Variants in CLASP1 observed in about 807,000 individuals in gnomAD.
CLASP1 encodes CLIP-associating protein 1.
A neutral mutation model predicts 192.3 loss-of-function variants in CLASP1; 38 were observed. The ratio of observed to expected loss-of-function variants is 0.20; its 90% CI spans 0.15 to 0.26. The LOEUF (loss-of-function observed/expected upper bound fraction) is 0.26, where lower values mean the gene tolerates loss of function less well. CLASP1 is among the 10% of genes least tolerant of loss of function. CLASP1 has a pLI of 1.00. For synonymous variants in CLASP1, 691 were observed against 712.8 expected, an observed-to-expected ratio of 0.97 and a Z score of 0.49; for missense variants, 1,433 against 1,932.5, an observed-to-expected ratio of 0.74 and a Z score of 4.85.
In CLASP1 at chr2:121,404,355, A is replaced by G. The variant is rs374759775; in HGVS notation, c.2733+16T>C. The G allele has an allele frequency of 3.7e-6, 6 of 1,610,242 alleles. No individual in the cohort carries two copies. The African/African-American group carries it at 5.3e-5, about 14-fold the overall frequency. ...ATGCAGGGGTAAAGACAGGGCAGGC[A>G]TGACTTCAGACTTACCTTGCTATGA... On this transcript the variant is annotated intron_variant, in intron 26 of 39. Coordinates refer to ENST00000263710, the Ensembl canonical transcript of CLASP1.
At chr2:121,528,324 G>A (rs946235636) in intron 4 of CLASP1, among the ~76,000 whole-genome samples, 1 of 152,158 alleles carries the variant, frequency 6.6e-6, no homozygotes, top group African/African-American at 2.4e-5. Context: ...CCGGAAGACA[G>A]GGGCCAGGGC....
intron 11 of CLASP1, among the ~76,000 whole-genome samples, chr2:121,460,395 A>G (rs1434445598): frequency 6.6e-6 from 1 of 152,218 alleles, no homozygotes; most frequent in Non-Finnish European, 1.5e-5. Context: ...AATATCTTAA[A>G]GTATTTATAG....
At chr2:121,593,310 T>C (rs1044693107) in intron 2 of CLASP1, among the ~76,000 whole-genome samples, 5 of 152,102 alleles carry the variant, frequency 3.3e-5, no homozygotes, top group African/African-American at 7.2e-5. Flanking sequence ...AGACTGACAA[T>C]GAACTGTTCC....
At chr2:121,407,266 G>A (rs1262214388) in intron 25 of CLASP1, among the ~76,000 whole-genome samples, 1 of 151,468 alleles carries the variant, frequency 6.6e-6, no homozygotes, top group Admixed American at 6.6e-5. Flanking sequence ...ATATTTCAAA[G>A]CAAATGGATG....
chr2:121,517,717 G>A (rs920370632), intron 6 of CLASP1, among the ~76,000 whole-genome samples: 1 of 151,824 alleles, frequency 6.6e-6, no homozygotes, highest in Non-Finnish European at 1.5e-5. Flanking sequence ...TAATTAGCTG[G>A]GCCAGTTGGT....
intron 8 of CLASP1, among the ~76,000 whole-genome samples, chr2:121,501,355 CCCACTCATCACGAGTGCA>C (rs776021704): frequency 2.2e-4 from 33 of 152,196 alleles, no homozygotes; most frequent in Admixed American, 4.6e-4. Context: ...ACCCAGCAAC[CCCACTCATCACGAGTGCA>C]CCACTCAGAT....
intron 37 of CLASP1, among the ~76,000 whole-genome samples, chr2:121,349,277 C>T (rs1007613599): frequency 1.3e-5 from 2 of 151,968 alleles, no homozygotes; most frequent in African/African-American, 4.8e-5. Context: ...AAAAGTGGTA[C>T]TCCAAGTGCA....
chr2:121,342,986 C>T (rs2062971724), intron 39 of CLASP1, among the ~76,000 whole-genome samples: 1 of 152,088 alleles, frequency 6.6e-6, no homozygotes, highest in Non-Finnish European at 1.5e-5. Context: ...TGGTTTGGAG[C>T]TTCTGGCCTC....
chr2:121,365,209 C>T (rs1460815054), exon 36 of CLASP1: 2 of 1,613,664 alleles, frequency 1.2e-6, no homozygotes, highest in Non-Finnish European at 1.7e-6. Flanking sequence ...GGCTCCCTTC[C>T]GTTCCTCCAC....
chr2:121,580,247 C>T (rs919872172), intron 2 of CLASP1, among the ~76,000 whole-genome samples: 5 of 152,154 alleles, frequency 3.3e-5, no homozygotes, highest in African/African-American at 9.7e-5. Context: ...CTAACAAGGG[C>T]ATTACTTTTT....
In CLASP1 at chr2:121,586,044, GA is replaced by G. The variant is rs2061682212; in HGVS notation, c.195+19656del. On this transcript the variant is annotated intron_variant, in intron 2 of 39. Coordinates refer to ENST00000263710, the Ensembl canonical transcript of CLASP1. ...CACTCTACTTGCTCCTTTAGTTAAA[GA>G]TAACAGACATGGGCAGAAAGAAACA... Among the ~76,000 whole-genome samples the G allele has an allele frequency of 3.9e-5, 6 of 152,290 alleles. No homozygotes were observed. The South Asian group carries it at 1.2e-3, about 32-fold the overall frequency.
At chr2:121,619,796 T>C (rs1214225993) in intron 1 of CLASP1, among the ~76,000 whole-genome samples, 7 of 152,200 alleles carry the variant, frequency 4.6e-5, no homozygotes, top group East Asian at 1.9e-4. Flanking sequence ...GGGATTAAAA[T>C]TGCTTCTATT....
intron 22 of CLASP1, among the ~76,000 whole-genome samples, chr2:121,421,654 T>C (rs186299956): frequency 6.6e-6 from 1 of 152,286 alleles, no homozygotes; most frequent in Non-Finnish European, 1.5e-5. Flanking sequence ...GTGCTTCTCC[T>C]TCCTCAGCCT....
chr2:121,370,414 C>T (rs548298303), intron 34 of CLASP1, among the ~76,000 whole-genome samples: 1 of 152,278 alleles, frequency 6.6e-6, no homozygotes, highest in Non-Finnish European at 1.5e-5. Context: ...CAACCTCCGC[C>T]TTCTAGGTTC....
intron 2 of CLASP1, among the ~76,000 whole-genome samples, chr2:121,597,059 A>G (rs893916277): frequency 2.6e-4 from 40 of 152,170 alleles, no homozygotes; most frequent in African/African-American, 9.2e-4. Context: ...CCGGGACCGT[A>G]CCCAGTTTTT....
At chr2:121,613,356 A>G (rs1043917119) in intron 1 of CLASP1, among the ~76,000 whole-genome samples, 10 of 152,238 alleles carry the variant, frequency 6.6e-5, no homozygotes, top group African/African-American at 2.4e-4. Flanking sequence ...ATGCTCCTTT[A>G]TAGTACCCTG....
At chr2:121,535,276 C>T (rs917304850) in intron 2 of CLASP1, among the ~76,000 whole-genome samples, 1 of 152,050 alleles carries the variant, frequency 6.6e-6, no homozygotes. Flanking sequence ...AGAGAGACAC[C>T]TTGTCTCAAT....
At chr2:121,643,188 T>C (rs914744795) in intron 1 of CLASP1, among the ~76,000 whole-genome samples, 2 of 152,178 alleles carry the variant, frequency 1.3e-5, no homozygotes, top group African/African-American at 2.4e-5. Flanking sequence ...TACACAAAAA[T>C]ATAAAACCTT....
chr2:121,424,156 C>CTCTAAGATAT (rs1403650570), intron 22 of CLASP1, among the ~76,000 whole-genome samples: 1 of 152,158 alleles, frequency 6.6e-6, no homozygotes, highest in African/African-American at 2.4e-5. Flanking sequence ...GTCTAAGATA[C>CTCTAAGATAT]TCCTTTTTTA....
Sources: allele counts gnomAD v4.1 joint callset (sites outside exome capture counted in the v4.1 genomes callset), GRCh38; gene constraint gnomAD v4.1.1; transcripts MANE v1.5; gene names NCBI Gene and HGNC (gene_info 2026-07-23, HGNC 2026-07-21).